MGA: variants seen among roughly 807,000 people sequenced by gnomAD.
The protein encoded by MGA is MAX gene-associated protein.
Under a neutral mutation model 261.1 loss-of-function variants are expected in MGA, and 40 were observed. That is an observed-to-expected ratio of 0.15 (90% CI 0.12 to 0.20). The LOEUF (loss-of-function observed/expected upper bound fraction) is 0.20. Ranked by LOEUF, MGA falls within the 10% of genes least tolerant of loss-of-function variation. The probability of loss-of-function intolerance (pLI) is 1.00; values close to 1 mark genes in which losing one functional copy is unlikely to be tolerated. For missense variants in MGA, 3,397 were observed against 3,630.5 expected, an observed-to-expected ratio of 0.94 and a Z score of 1.65; for synonymous variants, 1,302 against 1,290.6, an observed-to-expected ratio of 1.01 and a Z score of -0.19.
chr15:41,716,273 C>T (rs113857316), intron 9 of MGA, among the ~76,000 whole-genome samples: 19 of 151,724 alleles, frequency 1.3e-4, no homozygotes, highest in South Asian at 1.0e-3. Context: ...CGGTGAAACC[C>T]CGTCTCTACT....
At chr15:41,744,062 C>G (rs557997794) in intron 15 of MGA, among the ~76,000 whole-genome samples, 1 of 152,134 alleles carries the variant, frequency 6.6e-6, no homozygotes, top group South Asian at 2.1e-4. Context: ...TTGATGTTTT[C>G]TCTTAAATAT....
intron 10 of MGA, among the ~76,000 whole-genome samples, chr15:41,728,008 A>G (rs1448734269): frequency 1.3e-5 from 2 of 152,212 alleles, no homozygotes; most frequent in African/African-American, 4.8e-5. Context: ...CTATTATAGT[A>G]TAAAACTGTT....
At chr15:41,692,318 C>A (rs1274477538) in intron 2 of MGA, among the ~76,000 whole-genome samples, 1 of 152,206 alleles carries the variant, frequency 6.6e-6, no homozygotes, top group African/African-American at 2.4e-5. Flanking sequence ...GCTGTTTGTT[C>A]TGCAGAAGTC....
chr15:41,762,036 G>T, intron 21 of MGA, 93 bp from the exon 22 acceptor site: 1 of 1,145,168 alleles, frequency 8.7e-7, no homozygotes, highest in Non-Finnish European at 1.2e-6. Flanking sequence ...ATAGTTTTTG[G>T]GAATATAGTT....
intron 18 of MGA, among the ~76,000 whole-genome samples, chr15:41,755,698 C>T (rs749008659): frequency 1.6e-4 from 24 of 152,174 alleles, no homozygotes; most frequent in East Asian, 3.8e-4. Context: ...AGCACAAACA[C>T]TGTAAGGGAA....
intron 10 of MGA, among the ~76,000 whole-genome samples, chr15:41,728,590 A>G (rs550092058): frequency 6.6e-6 from 1 of 152,292 alleles, no homozygotes; most frequent in South Asian, 2.1e-4. Flanking sequence ...TGTTGTTACT[A>G]TTCATTAGTG....
At position 41,749,672 on chromosome 15, in the gene MGA, A is replaced by C; in HGVS notation, c.6065A>C (p.Asn2022Thr). 1.9e-6 allele frequency: 3 copies of C among 1,614,044 alleles called. No individual in the cohort carries two copies. Among genetic ancestry groups the C allele is most frequent in the Non-Finnish European group, 8.5e-7 (1 of 1,179,898 alleles). Reference sequence around the variant, plus strand: ...GCTGCTACCTCAGAAGAAACTCTGAATGATTCCTTGGAAGATAGGGGTGAT... The same window carrying C: ...GCTGCTACCTCAGAAGAAACTCTGACTGATTCCTTGGAAGATAGGGGTGAT... The change falls in exon 17 of 24, where the codon AAT (asparagine) becomes ACT (threonine). Residue 2022 changes from asparagine to threonine, a missense_variant. By Grantham distance (65) the Asn-to-Thr change is moderately conservative. Around this residue, in one of 9 missense-constraint regions of MGA, gnomAD observed 1,410 missense variants for 1,386.4 expected, o/e 1.02. Transcript: ENST00000219905.
In MGA at chr15:41,696,724, T is replaced by A; in HGVS notation, c.1714T>A (p.Ser572Thr). Residue 572 changes from serine (S) to threonine (T), a missense_variant, in exon 3 of 24, where the codon TCA (serine) becomes ACA (threonine). Physicochemically the swap from Ser to Thr is moderately conservative, Grantham distance 58. This residue lies in a region of MGA where 563 missense variants were observed against 563.6 expected (regional missense o/e 1.00). Transcript: ENST00000219905. ...AAGAATACTCGACGATTCAAAGGAT[T>A]CAGTTGGAGACTCACTTTCAGGAAA... is the stretch of plus-strand genomic sequence containing the variant. 1 of 1,612,508 alleles carries A rather than the reference T, an allele frequency of 6.2e-7. No individual in the cohort carries two copies. The highest frequency in any genetic ancestry group is 2.2e-5 in the East Asian group (1 of 44,858).
At chr15:41,649,854 T>A (rs899708929) in intron 1 of MGA, among the ~76,000 whole-genome samples, 2 of 152,160 alleles carry the variant, frequency 1.3e-5, no homozygotes, top group African/African-American at 2.4e-5. Context: ...TAATTTTTTT[T>A]ATTTTTAGTA....
At chr15:41,758,499 A>G (rs1000844376) in intron 19 of MGA, among the ~76,000 whole-genome samples, 3 of 152,296 alleles carry the variant, frequency 2.0e-5, no homozygotes, top group African/African-American at 4.8e-5. Flanking sequence ...TATATGATAC[A>G]GCGTATTTGC....
chr15:41,637,229 A>G (rs1817903031), intron 1 of MGA, among the ~76,000 whole-genome samples: 1 of 152,170 alleles, frequency 6.6e-6, no homozygotes, highest in Non-Finnish European at 1.5e-5. Flanking sequence ...GACAGTGTGG[A>G]AAGAACCAGG....
intron 12 of MGA, among the ~76,000 whole-genome samples, chr15:41,735,865 A>G (rs1025200446): frequency 1.3e-5 from 2 of 152,234 alleles, no homozygotes; most frequent in Admixed American, 6.5e-5. Flanking sequence ...AACCTATACC[A>G]GTGAAGCTTA....
At chr15:41,747,238 T>G (rs183784428) in intron 15 of MGA, among the ~76,000 whole-genome samples, 5 of 152,298 alleles carry the variant, frequency 3.3e-5, no homozygotes, top group African/African-American at 1.2e-4. Context: ...TTTTTCCTTC[T>G]GAAAAATAAT....
rs200066729 is a variant in MGA at position 41,707,845 on chromosome 15, A to G, written c.2306A>G (p.Asn769Ser). The change falls in exon 6 of 24, where the codon AAC (asparagine) becomes AGC (serine). Residue 769 changes from asparagine (N) to serine (S), a missense_variant. Physicochemically the swap from Asn to Ser is conservative, Grantham distance 46. Around this residue, in one of 9 missense-constraint regions of MGA, gnomAD observed 519 missense variants for 554.1 expected, o/e 0.94. Transcript: ENST00000219905. Reference sequence around the variant, plus strand: ...CCTTTTTGGAACCTTACAGGAACCAACCCTGCCTCTCCTGGTGAGTATGTA... The same window carrying G: ...CCTTTTTGGAACCTTACAGGAACCAGCCCTGCCTCTCCTGGTGAGTATGTA... The G allele has an allele frequency of 5.0e-6, 8 of 1,610,984 alleles. No individual in the cohort carries two copies. In the African/African-American group the frequency reaches 8.0e-5, roughly 16 times the overall value.
At position 41,699,046 on chromosome 15, in the gene MGA, T is replaced by A. The variant is rs1317877309; in HGVS notation, c.2093-18T>A. On this transcript the variant is annotated intron_variant, in intron 4 of 23. Coordinates refer to ENST00000219905, the MANE Select transcript of MGA (RefSeq NM_001164273.2). ...AGTGTACAGTAGCTTATTTTATTAC[T>A]ATTTATTTTGGGTGTAGGTTACAGA... is the stretch of plus-strand genomic sequence containing the variant. 1.3e-6 allele frequency: 2 copies of A among 1,598,142 alleles called. No individual in the cohort carries two copies. Among genetic ancestry groups the A allele is most frequent in the Non-Finnish European group, 8.5e-7 (1 of 1,169,706 alleles).
chr15:41,739,638 A>G (rs1595924357), intron 13 of MGA, among the ~76,000 whole-genome samples: 1 of 152,272 alleles, frequency 6.6e-6, no homozygotes, highest in South Asian at 2.1e-4. Flanking sequence ...CTTTCACATA[A>G]CTAGGATGCA....
intron 13 of MGA, among the ~76,000 whole-genome samples, chr15:41,737,339 G>A (rs946861628): frequency 6.6e-6 from 1 of 150,410 alleles, no homozygotes; most frequent in Non-Finnish European, 1.5e-5. Context: ...TTTTTTAGTA[G>A]AGACGGGGTT....
intron 1 of MGA, among the ~76,000 whole-genome samples, chr15:41,635,340 A>C (rs1482288077): frequency 6.6e-6 from 1 of 151,850 alleles, no homozygotes; most frequent in Non-Finnish European, 1.5e-5. Flanking sequence ...TCTCAAATAA[A>C]TAAATAAGTA....
chr15:41,750,298 A>G lies in MGA; in HGVS notation c.6691A>G (p.Thr2231Ala), dbSNP rs749657565. ...TGACTTACTTGGAAAAAGTGGAATT[A>G]CTGAAGATGCCAGAGTTTTGAAAAC... Residue 2231 changes from threonine to alanine, a missense_variant, in exon 17 of 24, where the codon ACT becomes GCT. Transcript: ENST00000219905. 1.9e-6 allele frequency: 3 copies of G among 1,613,924 alleles called. No individual in the cohort carries two copies. The highest frequency in any genetic ancestry group is 1.7e-6 in the Non-Finnish European group (2 of 1,179,902).
Sources: gnomAD v4.1 joint callset for allele counts (sites outside exome capture counted in the v4.1 genomes callset) on GRCh38, gnomAD v4.1.1 for gene constraint, gnomAD v4.1.1 regional missense constraint, MANE v1.5 for transcripts, NCBI Gene and HGNC (gene_info 2026-07-23, HGNC 2026-07-21) for gene names.